SLCO2B1: variants seen among roughly 807,000 people sequenced by gnomAD.
SLCO2B1 encodes solute carrier organic anion transporter family member 2B1.
Under a neutral mutation model 67.3 loss-of-function variants are expected in SLCO2B1, and 41 were observed. The ratio of observed to expected loss-of-function variants is 0.61; its 90% CI spans 0.47 to 0.79. SLCO2B1 has a LOEUF of 0.79. SLCO2B1 is among the 30% of genes least tolerant of loss of function. The pLI is 0.00. For missense variants in SLCO2B1, 837 were observed against 920.1 expected (o/e 0.91, Z 1.17); for synonymous variants, 379 against 381.4 (o/e 0.99, Z 0.07).
chr11:75,160,647 G>A (rs75523796), intron 1 of SLCO2B1, among the ~76,000 whole-genome samples: 6,984 of 152,202 alleles, frequency 0.046, 227 homozygotes, highest in African/African-American at 0.089. Context: ...CCAATTTCCC[G>A]TCTCCTCGTC....
At chr11:75,173,406 G>A (rs1949988352) in intron 7 of SLCO2B1, among the ~76,000 whole-genome samples, 1 of 152,248 alleles carries the variant, frequency 6.6e-6, no homozygotes, top group African/African-American at 2.4e-5. Context: ...TTCGGGGACA[G>A]TGAAGGGAAG....
intron 6 of SLCO2B1, 140 bp from the exon 7 acceptor site, chr11:75,172,239 C>G: frequency 1.4e-6 from 1 of 710,328 alleles, no homozygotes; most frequent in African/African-American, 1.8e-5. Flanking sequence ...CAGGACACAC[C>G]TGGCAGAGCA....
intron 11 of SLCO2B1, 24 bp from the exon 12 acceptor site, chr11:75,202,877 G>A (rs1945204137): frequency 1.2e-6 from 2 of 1,612,104 alleles, no homozygotes; most frequent in East Asian, 2.2e-5. Context: ...CCAACCTCAT[G>A]TTGCCCATGT....
At chr11:75,167,901 T>TC in intron 4 of SLCO2B1, among the ~76,000 whole-genome samples, 1 of 149,420 alleles carries the variant, frequency 6.7e-6, no homozygotes, top group South Asian at 2.1e-4. Flanking sequence ...CTTTCTTTTT[T>TC]TTTTTTTTTT....
At chr11:75,185,119 G>A (rs1950133713) in intron 7 of SLCO2B1, among the ~76,000 whole-genome samples, 1 of 152,222 alleles carries the variant, frequency 6.6e-6, no homozygotes, top group Admixed American at 6.5e-5. Context: ...GAGCCAGCCA[G>A]CATCAGGAAG....
intron 1 of SLCO2B1, among the ~76,000 whole-genome samples, chr11:75,161,162 A>T (rs997425855): frequency 6.6e-6 from 1 of 152,236 alleles, no homozygotes; most frequent in Non-Finnish European, 1.5e-5. Flanking sequence ...ACTTGAAAAC[A>T]TTATGCTAAG....
chr11:75,164,019 C>CAGTGGAGAAGCG lies in SLCO2B1; in HGVS notation c.204_205insAGTGGAGAAGCG (p.Tyr68_Leu69insSerGlyGluAla). 6.2e-7 allele frequency: 1 copy of CAGTGGAGAAGCG among 1,606,810 alleles called. No homozygotes were observed. Among genetic ancestry groups the CAGTGGAGAAGCG allele is most frequent in the Non-Finnish European group, 8.5e-7 (1 of 1,176,858 alleles). The stretch of plus-strand genomic sequence containing the variant: ...TGGCGCAGCTCATGATCTCCGGCTA[C>CAGTGGAGAAGCG]CTAAAGAGCTCCATCTCCACAGTGG... On this transcript the variant is annotated inframe_insertion, in exon 3 of 14. Coordinates refer to ENST00000289575, the MANE Select transcript of SLCO2B1 (RefSeq NM_007256.5).
At chr11:75,185,501 CTTTTTTTTTT>C (rs11381669) in intron 7 of SLCO2B1, among the ~76,000 whole-genome samples, 1 of 106,188 alleles carries the variant, frequency 9.4e-6, no homozygotes, top group Admixed American at 1.2e-4. Context: ...GTATAAGTCT[CTTTTTTTTTT>C]TTTTTTTTTT....
intron 7 of SLCO2B1, among the ~76,000 whole-genome samples, chr11:75,181,902 G>A (rs1565542702): frequency 6.6e-6 from 1 of 152,232 alleles, no homozygotes; most frequent in Non-Finnish European, 1.5e-5. Flanking sequence ...CAAAACAGAT[G>A]AGGGGGCAAG....
intron 4 of SLCO2B1, 95 bp downstream of exon 4, chr11:75,166,044 A>G (rs1949887465): frequency 1.4e-6 from 2 of 1,416,884 alleles, no homozygotes; most frequent in Non-Finnish European, 1.9e-6. Flanking sequence ...GGCAGGATAC[A>G]CCCCAAAACC....
intron 7 of SLCO2B1, among the ~76,000 whole-genome samples, chr11:75,181,224 G>T (rs983405379): frequency 6.6e-6 from 1 of 151,962 alleles, no homozygotes. Context: ...CGAAAAATTA[G>T]CCAGGCATGG....
At chr11:75,163,050 A>T (rs557673770) in intron 2 of SLCO2B1, 29 of 280,326 alleles carry the variant, frequency 1.0e-4, no homozygotes, top group African/African-American at 6.3e-4. Context: ...CTTGTTTCCC[A>T]CTTTCCCAGA....
Position 75,151,256 on chromosome 11 carries a change from C to T in SLCO2B1, c.-126C>T. Reference sequence around the variant, plus strand: ...GTGTCTGGAGCTCCCACCGTTATTGCATCCCTGCTGTGGCTCACCTGCTGC... The same window carrying T: ...GTGTCTGGAGCTCCCACCGTTATTGTATCCCTGCTGTGGCTCACCTGCTGC... On this transcript the variant is annotated 5_prime_UTR_variant, in exon 1 of 14. Coordinates refer to ENST00000289575, the MANE Select transcript of SLCO2B1 (RefSeq NM_007256.5). 1.3e-6 allele frequency: 1 copy of T among 777,930 alleles called. No homozygotes were observed. The highest frequency in any genetic ancestry group is 2.2e-6 in the Non-Finnish European group (1 of 464,614). The allele number at this position is 777,930 out of a possible 1,614,324, so 48.2% of individuals were successfully genotyped here. A position where few individuals can be genotyped will look rare whatever the true frequency, so the allele number is the denominator to read the frequency against.
chr11:75,164,880 G>A (rs906625320), intron 3 of SLCO2B1, among the ~76,000 whole-genome samples: 6 of 152,142 alleles, frequency 3.9e-5, no homozygotes, highest in African/African-American at 1.2e-4. Context: ...CTGTCTCTGG[G>A]CCTCAGGGCC....
At chr11:75,183,409 C>T (rs897365070) in intron 7 of SLCO2B1, among the ~76,000 whole-genome samples, 1 of 152,076 alleles carries the variant, frequency 6.6e-6, no homozygotes, top group Non-Finnish European at 1.5e-5. Context: ...GGCTGCCTTA[C>T]CCAAAAAAAT....
At chr11:75,180,194 T>C (rs1950077350) in intron 7 of SLCO2B1, among the ~76,000 whole-genome samples, 1 of 152,106 alleles carries the variant, frequency 6.6e-6, no homozygotes. Flanking sequence ...TATTTGTAGT[T>C]TTAGTAGAGA....
At chr11:75,164,197 C>G in intron 3 of SLCO2B1, 97 bp downstream of exon 3, 1 of 1,348,260 alleles carries the variant, frequency 7.4e-7, no homozygotes, top group Non-Finnish European at 1.0e-6. Flanking sequence ...TTAAGGCCTT[C>G]CCCTCCCAGT....
chr11:75,177,218 A>G (rs1012495694), intron 7 of SLCO2B1, among the ~76,000 whole-genome samples: 1 of 152,110 alleles, frequency 6.6e-6, no homozygotes, highest in African/African-American at 2.4e-5. Context: ...AAGTAGTTCT[A>G]CTATTTTGTG....
chr11:75,203,732 C>T (rs1018658719), intron 13 of SLCO2B1: 10 of 327,030 alleles, frequency 3.1e-5, no homozygotes, highest in Admixed American at 9.0e-5. Flanking sequence ...AGCCATGCTG[C>T]GAGAGGGACT....
Sources: allele counts gnomAD v4.1 joint callset (sites outside exome capture counted in the v4.1 genomes callset), GRCh38; gene constraint gnomAD v4.1.1; transcripts MANE v1.5; gene names NCBI Gene and HGNC (gene_info 2026-07-23, HGNC 2026-07-21).